The following PPM1B variants were observed in gnomAD, a reference collection of about 807,000 sequenced individuals.
PPM1B encodes the protein protein phosphatase, Mg2+/Mn2+ dependent 1B.
Under a neutral mutation model 43.0 loss-of-function variants are expected in PPM1B, and 22 were observed. The observed-to-expected ratio is 0.51, with a 90% CI of 0.37 to 0.73. The LOEUF (loss-of-function observed/expected upper bound fraction) is 0.73. Among genes scored for constraint, PPM1B ranks in the 30% least tolerant of loss-of-function variants. The pLI, the probability that PPM1B is intolerant of heterozygous loss-of-function variation, is 0.00. For synonymous variants in PPM1B, 217 were observed against 197.9 expected, an observed-to-expected ratio of 1.10 and a Z score of -0.81; for missense variants, 632 against 584.2, an observed-to-expected ratio of 1.08 and a Z score of -0.84.
At chr2:44,205,354 G>GGTGTGTGTGTCGGTGTGTGTGTGTGT (rs1553333036) in intron 2 of PPM1B, among the ~76,000 whole-genome samples, 2 of 91,720 alleles carry the variant, frequency 2.2e-5, no homozygotes, top group Non-Finnish European at 5.1e-5. Context: ...TGTGGGTGTG[G>GGTGTGTGTGTCGGTGTGTGTGTGTGT]GTGTGTGTGT....
intron 5 of PPM1B, among the ~76,000 whole-genome samples, chr2:44,241,133 A>T (rs1222398936): frequency 7.0e-6 from 1 of 143,118 alleles, no homozygotes; most frequent in African/African-American, 2.5e-5. Flanking sequence ...CGTCCCAAGT[A>T]GCTGGGATTA....
At chr2:44,236,447 C>T (rs116554030), downstream of PPM1B, among the ~76,000 whole-genome samples, 2 of 138,472 alleles carry the variant, frequency 1.4e-5, no homozygotes, top group Admixed American at 7.7e-5. Context: ...AACTGGTCTT[C>T]CTATATGAAA....
At chr2:44,234,345 C>T (rs990086911), downstream of PPM1B, 32 of 565,930 alleles carry the variant, frequency 5.7e-5, no homozygotes, top group Non-Finnish European at 3.6e-5. Context: ...ACGGTGAAAC[C>T]CTGCCTCTAC....
chr2:44,239,509 A>G (rs908059528), downstream of PPM1B, among the ~76,000 whole-genome samples: 1 of 152,068 alleles, frequency 6.6e-6, no homozygotes, highest in Non-Finnish European at 1.5e-5. Flanking sequence ...TTAGGAAATC[A>G]TCCTCATCCC....
At chr2:44,205,383 G>C (rs1049310162) in intron 2 of PPM1B, among the ~76,000 whole-genome samples, 1 of 151,478 alleles carries the variant, frequency 6.6e-6, no homozygotes, top group African/African-American at 2.4e-5. Context: ...GTGTGTGTAA[G>C]TGTCTGTCTG....
rs1670460876 is a variant in PPM1B at position 44,231,304 on chromosome 2, A to G, written c.*586A>G. 2 of 979,984 alleles carry G rather than the reference A, an allele frequency of 2.0e-6. No homozygotes were observed. Among genetic ancestry groups the G allele is most frequent in the Non-Finnish European group, 2.4e-6 (2 of 825,066 alleles). The allele number at this position is 979,984 out of a possible 1,614,324, so 60.7% of individuals were successfully genotyped here. ...GTGTGGCTATTTTTCCTTTCTCTGT[A>G]TTCTTTATGAAACATAACTTTTGAA... On this transcript the variant is annotated 3_prime_UTR_variant, in exon 6 of 6. Transcript: ENST00000282412.
chr2:44,218,143 A>T (rs1280236578), intron 4 of PPM1B, 65 bp downstream of exon 4: 1 of 1,216,094 alleles, frequency 8.2e-7, no homozygotes, highest in Non-Finnish European at 1.2e-6. Flanking sequence ...TTTGGGGTAA[A>T]AAAACTTAAA....
downstream of PPM1B, chr2:44,234,654 G>T: frequency 1.0e-6 from 1 of 980,874 alleles, no homozygotes; most frequent in Non-Finnish European, 1.2e-6. Flanking sequence ...GAATTTCCTA[G>T]CCTGGCTATT....
chr2:44,209,099 C>T (rs1208725301), intron 2 of PPM1B, 111 bp from the exon 3 acceptor site: 13 of 988,756 alleles, frequency 1.3e-5, no homozygotes, highest in Admixed American at 3.3e-5. Context: ...ATGTGTTAAA[C>T]ATAAACGTTC....
chr2:44,237,711 C>T (rs1046086247), downstream of PPM1B, among the ~76,000 whole-genome samples: 1 of 152,082 alleles, frequency 6.6e-6, no homozygotes, highest in African/African-American at 2.4e-5. Flanking sequence ...CAAATGTATT[C>T]TTTCCATATA....
downstream of PPM1B, among the ~76,000 whole-genome samples, chr2:44,236,558 C>G (rs1670629642): frequency 6.6e-6 from 1 of 151,864 alleles, no homozygotes; most frequent in Non-Finnish European, 1.5e-5. Flanking sequence ...AAAAATGTTT[C>G]TATAATCATA....
intron 1 of PPM1B, among the ~76,000 whole-genome samples, chr2:44,190,993 A>G (rs564650672): frequency 6.6e-6 from 1 of 152,342 alleles, no homozygotes; most frequent in East Asian, 1.9e-4. Context: ...TCTCATCACT[A>G]AGATTTAACA....
intron 5 of PPM1B, among the ~76,000 whole-genome samples, chr2:44,243,176 C>A (rs1008895682): frequency 6.6e-6 from 1 of 152,116 alleles, no homozygotes; most frequent in African/African-American, 2.4e-5. Context: ...ATGATTGGAG[C>A]GGTACTAGAG....
chr2:44,200,073 G>A (rs913125348), intron 1 of PPM1B, among the ~76,000 whole-genome samples: 2 of 152,104 alleles, frequency 1.3e-5, no homozygotes, highest in African/African-American at 4.8e-5. Flanking sequence ...AAATCCTTAG[G>A]TGTGGGAATA....
intron 1 of PPM1B, among the ~76,000 whole-genome samples, chr2:44,178,577 C>A (rs1040010552): frequency 6.6e-6 from 1 of 151,698 alleles, no homozygotes; most frequent in African/African-American, 2.4e-5. Context: ...AAGCGATACT[C>A]CTGTTTCAGC....
chr2:44,229,620 TTTTTTGGCA>T (rs1277180494), intron 5 of PPM1B, among the ~76,000 whole-genome samples: 1 of 152,232 alleles, frequency 6.6e-6, no homozygotes. Context: ...ATTCTAAACA[TTTTTTGGCA>T]CGAATACAGG....
chr2:44,196,576 G>C (rs982458163), intron 1 of PPM1B, among the ~76,000 whole-genome samples: 1 of 152,206 alleles, frequency 6.6e-6, no homozygotes, highest in Non-Finnish European at 1.5e-5. Context: ...CCCTTATGGG[G>C]TGGGAAGTTG....
chr2:44,214,232 A>G (rs1224501690), intron 3 of PPM1B, among the ~76,000 whole-genome samples: 4 of 152,102 alleles, frequency 2.6e-5, no homozygotes, highest in Non-Finnish European at 5.9e-5. Context: ...GATGCCCGCC[A>G]CCATGCCTGG....
intron 3 of PPM1B, among the ~76,000 whole-genome samples, chr2:44,214,336 T>C (rs766105413): frequency 3.4e-4 from 52 of 152,234 alleles, no homozygotes; most frequent in Non-Finnish European, 6.6e-4. Context: ...CCCAAAGTGC[T>C]GGGATTACAG....
Sources: gnomAD v4.1 joint callset for allele counts (sites outside exome capture counted in the v4.1 genomes callset) on GRCh38, gnomAD v4.1.1 for gene constraint, MANE v1.5 for transcripts, NCBI Gene and HGNC (gene_info 2026-07-23, HGNC 2026-07-21) for gene names.